Variants in MYO10 observed in about 807,000 individuals in gnomAD.
The protein encoded by MYO10 is myosin X.
A neutral mutation model predicts 257.3 loss-of-function variants in MYO10; 133 were observed. That is an observed-to-expected ratio of 0.52 (90% CI 0.45 to 0.60). The LOEUF is 0.60. Among genes scored for constraint, MYO10 ranks in the 20% least tolerant of loss-of-function variants. MYO10 has a pLI of 0.00. For synonymous variants in MYO10, 1,104 were observed against 1,028.6 expected (o/e 1.07, Z -1.40); for missense variants, 2,399 against 2,635.7 (o/e 0.91, Z 1.97).
chr5:16,673,220 G>C (rs887578598), intron 36 of MYO10, among the ~76,000 whole-genome samples: 1 of 151,858 alleles, frequency 6.6e-6, no homozygotes, highest in Admixed American at 6.6e-5. Flanking sequence ...GAAGCCTTGG[G>C]GGGTGGGGGT....
In MYO10 at chr5:16,796,168, G is replaced by A. The variant is rs183441940; in HGVS notation, c.280-1335C>T. On this transcript the variant is annotated intron_variant, in intron 3 of 40. Coordinates refer to ENST00000513610, the MANE Select transcript of MYO10 (RefSeq NM_012334.3). ...TGCGCCACTGCACTCCAACCTGGGC[G>A]ACAGAGCGAGACTCTGTCAAAAAAA... Among the ~76,000 whole-genome samples, 257 of 142,162 alleles carry A rather than the reference G, an allele frequency of 1.8e-3. 5 individuals carry two copies. In the East Asian group the frequency reaches 0.037, roughly 20 times the overall value. The allele number at this position is 142,162 out of a possible 152,430, so 93.3% of individuals were successfully genotyped here.
At chr5:16,712,034 T>G (rs1038652396) in intron 19 of MYO10, among the ~76,000 whole-genome samples, 1 of 148,570 alleles carries the variant, frequency 6.7e-6, no homozygotes, top group Non-Finnish European at 1.5e-5. Context: ...TTTTTAAATT[T>G]GAATTTAAAG....
At chr5:16,859,040 A>C (rs537590899) in intron 2 of MYO10, among the ~76,000 whole-genome samples, 400 of 152,030 alleles carry the variant, frequency 2.6e-3, no homozygotes, top group Middle Eastern at 0.014. Context: ...TTTGGGATTT[A>C]CCCGCCTGCT....
intron 1 of MYO10, among the ~76,000 whole-genome samples, chr5:16,899,495 A>C (rs892662432): frequency 6.6e-6 from 1 of 150,856 alleles, no homozygotes; most frequent in Non-Finnish European, 1.5e-5. Flanking sequence ...AAATTAGCAG[A>C]GCGTTGTGGC....
chr5:16,763,891 T>C, intron 12 of MYO10, 136 bp from the exon 13 acceptor site: 1 of 681,434 alleles, frequency 1.5e-6, no homozygotes, highest in East Asian at 2.7e-5. Flanking sequence ...ACACCTGTTA[T>C]CCCAGCACTT....
chr5:16,840,138 C>A (rs1163729744), intron 2 of MYO10, among the ~76,000 whole-genome samples: 1 of 152,154 alleles, frequency 6.6e-6, no homozygotes, highest in Non-Finnish European at 1.5e-5. Flanking sequence ...ACAGGCCGGG[C>A]ATGGTGGCTC....
chr5:16,760,311 A>T (rs1456965041), intron 17 of MYO10, among the ~76,000 whole-genome samples: 2 of 151,170 alleles, frequency 1.3e-5, no homozygotes, highest in African/African-American at 2.4e-5. Context: ...AAAAAAAAAA[A>T]ATAGCCAGGC....
intron 27 of MYO10, among the ~76,000 whole-genome samples, chr5:16,691,113 CAA>C (rs1323013650): frequency 6.6e-6 from 1 of 151,054 alleles, no homozygotes; most frequent in East Asian, 2.0e-4. Context: ...ACTAAAAATA[CAA>C]AAAAATTAGC....
At chr5:16,833,198 AAT>A (rs1271290714) in intron 2 of MYO10, among the ~76,000 whole-genome samples, 1 of 150,052 alleles carries the variant, frequency 6.7e-6, no homozygotes, top group African/African-American at 2.5e-5. Context: ...GATGTTTTAA[AAT>A]ATATTTTACT....
intron 22 of MYO10, 34 bp downstream of exon 22, chr5:16,704,545 T>C: frequency 6.4e-7 from 1 of 1,570,948 alleles, no homozygotes; most frequent in Non-Finnish European, 8.7e-7. Flanking sequence ...CTCATGGAGC[T>C]TCCTGCCTTA....
At position 16,701,333 on chromosome 5, in the gene MYO10, C is replaced by T; in HGVS notation, c.3062G>A (p.Ser1021Asn). ...AGAGTCATCGCTGGTCCGGATGCCACTTGTTCGCTGGTCTGAGTGGCCGTG... is the reference window on the plus strand; with the variant it reads ...AGAGTCATCGCTGGTCCGGATGCCATTTGTTCGCTGGTCTGAGTGGCCGTG... Reference protein sequence around the residue: ...SEHGHSDQRTSGIRTSDDSSE... With the variant: ...SEHGHSDQRTNGIRTSDDSSE... Residue 1021 changes from serine (S) to asparagine (N), a missense_variant, in exon 25 of 41, where the codon AGT becomes AAT. Ser to Asn is a conservative substitution (Grantham distance 46). This residue lies in a region of MYO10 where 1,820 missense variants were observed against 1,939.4 expected (regional missense o/e 0.94). Transcript: ENST00000513610. This position sits in a 1 kb window ranked among gnomAD's most constrained non-coding sequence, Gnocchi z 8.1. 1 of 1,613,884 alleles carries T rather than the reference C, an allele frequency of 6.2e-7. No individual in the cohort carries two copies. The highest frequency in any genetic ancestry group is 8.5e-7 in the Non-Finnish European group (1 of 1,179,810).
At chr5:16,795,895 A>G (rs1741923900) in intron 3 of MYO10, among the ~76,000 whole-genome samples, 1 of 152,088 alleles carries the variant, frequency 6.6e-6, no homozygotes, top group Non-Finnish European at 1.5e-5. Context: ...CATTTCGAAA[A>G]TGCTAGGTAT....
At chr5:16,764,118 G>A in intron 12 of MYO10, 132 bp downstream of exon 12, 1 of 1,059,356 alleles carries the variant, frequency 9.4e-7, no homozygotes, top group South Asian at 1.6e-5. Flanking sequence ...CTGCACTCCA[G>A]CCTGGGATAC....
chr5:16,701,189 C>T lies in MYO10; in HGVS notation c.3206G>A (p.Gly1069Asp). 6.2e-7 allele frequency: 1 copy of T among 1,608,902 alleles called. No individual in the cohort carries two copies. Among genetic ancestry groups the T allele is most frequent in the South Asian group, 1.1e-5 (1 of 89,916 alleles). ...DSGSLHNSSS[G>D]ESTYCMPQNA... ...CTGGGGCATGCAGTAGGTGGACTCG[C>T]CGCTGGAGGAGTTGTGTAGGCTCCC... Residue 1069 changes from glycine to aspartate, a missense_variant, in exon 25 of 41, where the codon GGC (glycine) becomes GAC (aspartate). Gly to Asp is a moderately conservative substitution (Grantham distance 94, BLOSUM62 -1). Transcript: ENST00000513610. This position sits in a 1 kb window ranked among gnomAD's most constrained non-coding sequence, Gnocchi z 8.1.
At chr5:16,850,689 G>C (rs1429053235) in intron 2 of MYO10, among the ~76,000 whole-genome samples, 1 of 151,800 alleles carries the variant, frequency 6.6e-6, no homozygotes, top group African/African-American at 2.4e-5. Flanking sequence ...CCACATATAG[G>C]TAAGCTCAAC....
chr5:16,766,708 A>G (rs990828326), intron 10 of MYO10, among the ~76,000 whole-genome samples: 8 of 148,880 alleles, frequency 5.4e-5, no homozygotes, highest in Admixed American at 4.0e-4. Flanking sequence ...CTCATGATCT[A>G]CCCGCCTTGG....
intron 27 of MYO10, 122 bp downstream of exon 27, chr5:16,694,249 G>A (rs1737630759): frequency 6.9e-7 from 1 of 1,454,344 alleles, no homozygotes. Context: ...CTACTGAACT[G>A]AACTATCAGG....
chr5:16,839,859 T>C (rs1480142911), intron 2 of MYO10, among the ~76,000 whole-genome samples: 1 of 152,174 alleles, frequency 6.6e-6, no homozygotes, highest in Non-Finnish European at 1.5e-5. Context: ...GCTATGGCGT[T>C]CAGTAGGTTA....
chr5:16,846,717 C>T (rs1743645223), intron 2 of MYO10, among the ~76,000 whole-genome samples: 2 of 152,182 alleles, frequency 1.3e-5, no homozygotes, highest in African/African-American at 2.4e-5. Context: ...TTTACAACAT[C>T]GGACACATCC....
Sources: gnomAD v4.1 joint callset for allele counts (sites outside exome capture counted in the v4.1 genomes callset) on GRCh38, gnomAD v4.1.1 for gene constraint, gnomAD v4.1.1 regional missense constraint, Gnocchi (gnomAD v3.1) non-coding constraint, MANE v1.5 for transcripts, NCBI Gene and HGNC (gene_info 2026-07-23, HGNC 2026-07-21) for gene names.